ADAMTSL1: variants seen among roughly 807,000 people sequenced by gnomAD.
ADAMTSL1 encodes ADAMTS like 1, also known as ADAMTS-like protein 1.
ADAMTSL1 carries 126 observed loss-of-function variants against 201.8 expected under a neutral mutation model. The observed-to-expected ratio is 0.62, with a 90% CI of 0.54 to 0.72. The LOEUF (loss-of-function observed/expected upper bound fraction) is 0.72, where lower values mean the gene tolerates loss of function less well. Ranked by LOEUF, ADAMTSL1 falls within the 30% of genes least tolerant of loss-of-function variation. The pLI, the probability that ADAMTSL1 is intolerant of heterozygous loss-of-function variation, is 0.00. For missense variants in ADAMTSL1, 2,679 were observed against 2,277.8 expected, an observed-to-expected ratio of 1.18 and a Z score of -3.59; for synonymous variants, 1,121 against 903.4, an observed-to-expected ratio of 1.24 and a Z score of -4.32.
intron 15 of ADAMTSL1, among the ~76,000 whole-genome samples, chr9:18,747,642 T>C (rs2133582573): frequency 6.6e-6 from 1 of 152,286 alleles, no homozygotes. Flanking sequence ...TTAAAGCAAC[T>C]AGCACAGAAT....
At chr9:18,513,217 A>G (rs889498289) in intron 2 of ADAMTSL1, among the ~76,000 whole-genome samples, 1 of 152,150 alleles carries the variant, frequency 6.6e-6, no homozygotes, top group Non-Finnish European at 1.5e-5. Context: ...CAGTATTGTT[A>G]ACTACACCAG....
chr9:18,075,052 C>G (rs1261448071), intron 1 of ADAMTSL1, among the ~76,000 whole-genome samples: 2 of 152,048 alleles, frequency 1.3e-5, no homozygotes, highest in Non-Finnish European at 2.9e-5. Flanking sequence ...CCCTCCCTCA[C>G]TCTATCCTTC....
At chr9:17,991,170 A>T (rs1328973852) in intron 1 of ADAMTSL1, among the ~76,000 whole-genome samples, 2 of 152,166 alleles carry the variant, frequency 1.3e-5, no homozygotes, top group Non-Finnish European at 2.9e-5. Context: ...TCACACAACA[A>T]TATTTTGACC....
At chr9:18,037,473 G>T (rs2131624127) in intron 1 of ADAMTSL1, among the ~76,000 whole-genome samples, 1 of 152,234 alleles carries the variant, frequency 6.6e-6, no homozygotes. Flanking sequence ...ACTTCTTAGA[G>T]ACTTGCTTAT....
chr9:18,634,191 T>C (rs1173476788), intron 5 of ADAMTSL1, among the ~76,000 whole-genome samples: 1 of 152,076 alleles, frequency 6.6e-6, no homozygotes, highest in Admixed American at 6.5e-5. Flanking sequence ...TTCAGAGAAA[T>C]TGAGTAACAA....
At chr9:17,977,855 A>G (rs114378418) in intron 1 of ADAMTSL1, among the ~76,000 whole-genome samples, 109 of 152,198 alleles carry the variant, frequency 7.2e-4, no homozygotes, top group African/African-American at 2.5e-3. Flanking sequence ...GGTCTAAAGC[A>G]TAGTTCAAAT....
upstream of ADAMTSL1, among the ~76,000 whole-genome samples, chr9:18,472,406 A>C (rs1018461169): frequency 6.6e-6 from 1 of 152,208 alleles, no homozygotes; most frequent in Non-Finnish European, 1.5e-5. Context: ...ATATTTCAAG[A>C]ATGGGCTCTC....
At chr9:18,028,460 T>G (rs547797630) in intron 1 of ADAMTSL1, among the ~76,000 whole-genome samples, 1 of 152,222 alleles carries the variant, frequency 6.6e-6, no homozygotes, top group South Asian at 2.1e-4. Flanking sequence ...CTTTTCTGGC[T>G]TGTAAGGTTT....
At chr9:18,177,711 G>T (rs897421924) in intron 2 of ADAMTSL1, among the ~76,000 whole-genome samples, 9 of 152,214 alleles carry the variant, frequency 5.9e-5, no homozygotes, top group African/African-American at 2.2e-4. Context: ...ATATTAGCTG[G>T]CTTGTAAGAG....
At chr9:18,152,673 G>A (rs761065709) in intron 1 of ADAMTSL1, among the ~76,000 whole-genome samples, 1 of 152,072 alleles carries the variant, frequency 6.6e-6, no homozygotes, top group South Asian at 2.1e-4. Flanking sequence ...ATGATCATAA[G>A]AGGGTGATGA....
At chr9:18,548,605 G>C (rs1011322243) in intron 3 of ADAMTSL1, among the ~76,000 whole-genome samples, 1 of 152,038 alleles carries the variant, frequency 6.6e-6, no homozygotes, top group South Asian at 2.1e-4. Context: ...GTTGTGACCA[G>C]AGACTTGAAG....
intron 2 of ADAMTSL1, among the ~76,000 whole-genome samples, chr9:18,238,611 A>G (rs1830940451): frequency 6.6e-6 from 1 of 152,210 alleles, no homozygotes; most frequent in African/African-American, 2.4e-5. Flanking sequence ...GGCACCAAAA[A>G]AATGAGTTTT....
intron 2 of ADAMTSL1, among the ~76,000 whole-genome samples, chr9:18,354,228 C>A (rs1317571354): frequency 6.6e-6 from 1 of 151,088 alleles, no homozygotes; most frequent in Admixed American, 6.6e-5. Context: ...ATAAATGTAC[C>A]ATAATTTAAT....
chr9:18,696,390 CTG>C (rs1831551146), intron 13 of ADAMTSL1, among the ~76,000 whole-genome samples: 2 of 152,210 alleles, frequency 1.3e-5, no homozygotes, highest in South Asian at 2.1e-4. Context: ...AGAGTAGTAA[CTG>C]GGGGAAAATG....
At chr9:18,606,607 C>A (rs528372841) in intron 4 of ADAMTSL1, among the ~76,000 whole-genome samples, 1 of 152,234 alleles carries the variant, frequency 6.6e-6, no homozygotes, top group Admixed American at 6.5e-5. Flanking sequence ...GAGACTAAAT[C>A]CCAATTCTGT....
intron 1 of ADAMTSL1, among the ~76,000 whole-genome samples, chr9:18,053,109 T>A (rs1822007970): frequency 6.6e-6 from 1 of 152,218 alleles, no homozygotes; most frequent in Admixed American, 6.5e-5. Context: ...TGGAGTTCTG[T>A]TCTTGCACTG....
intron 1 of ADAMTSL1, among the ~76,000 whole-genome samples, chr9:18,477,575 A>C (rs1047255070): frequency 1.3e-5 from 2 of 152,208 alleles, no homozygotes; most frequent in Non-Finnish European, 2.9e-5. Flanking sequence ...CATGTATGTC[A>C]GTGTGTTCAT....
intron 7 of ADAMTSL1, among the ~76,000 whole-genome samples, chr9:18,642,423 A>T (rs1021091526): frequency 6.6e-6 from 1 of 152,034 alleles, no homozygotes; most frequent in African/African-American, 2.4e-5. Flanking sequence ...CATATTTATC[A>T]ATTTTTTGTG....
chr9:18,325,525 T>TTAGTCTG (rs1319806037), intron 2 of ADAMTSL1, among the ~76,000 whole-genome samples: 1 of 152,224 alleles, frequency 6.6e-6, no homozygotes, highest in East Asian at 1.9e-4. Context: ...AGGATATATA[T>TTAGTCTG]TAGTCTGTTT....
Sources: gnomAD v4.1 joint callset for allele counts (sites outside exome capture counted in the v4.1 genomes callset) on GRCh38, gnomAD v4.1.1 for gene constraint, MANE v1.5 for transcripts, NCBI Gene and HGNC (gene_info 2026-07-23, HGNC 2026-07-21) for gene names.